Variants in SSH2 observed in about 807,000 individuals in gnomAD.
The protein encoded by SSH2 is slingshot protein phosphatase 2, also known as protein phosphatase Slingshot homolog 2.
SSH2 carries 37 observed loss-of-function variants against 135.2 expected under a neutral mutation model. That is an observed-to-expected ratio of 0.27 (90% confidence interval 0.21 to 0.36). The LOEUF is 0.36. Among genes scored for constraint, SSH2 ranks in the 10% least tolerant of loss-of-function variants. The pLI is 1.00. For missense variants in SSH2, 1,408 were observed against 1,765.3 expected (o/e 0.80, Z 3.63); for synonymous variants, 628 against 646.2 (o/e 0.97, Z 0.43).
chr17:29,846,721 A>G (rs1215892846), intron 2 of SSH2, among the ~76,000 whole-genome samples: 2 of 152,242 alleles, frequency 1.3e-5, no homozygotes, highest in Non-Finnish European at 2.9e-5. Flanking sequence ...TGACATGAAG[A>G]TGAGGAAGCC....
intron 14 of SSH2, chr17:29,645,960 G>T (rs2036353977): frequency 6.6e-6 from 1 of 152,082 alleles, no homozygotes; most frequent in Non-Finnish European, 1.5e-5. Context: ...TTTGTTCAGG[G>T]GAAACACAGT....
intron 1 of SSH2, among the ~76,000 whole-genome samples, chr17:29,873,817 T>G (rs1170675337): frequency 1.3e-5 from 2 of 152,174 alleles, no homozygotes; most frequent in African/African-American, 2.4e-5. Flanking sequence ...AGAACAGAAA[T>G]TGCTATCAGT....
intron 1 of SSH2, among the ~76,000 whole-genome samples, chr17:29,858,571 C>A (rs2065706227): frequency 6.6e-6 from 1 of 152,062 alleles, no homozygotes; most frequent in East Asian, 1.9e-4. Flanking sequence ...TCCAATATGA[C>A]TCATATTCTC....
At chr17:29,690,933 C>T (rs1046713608) in intron 5 of SSH2, among the ~76,000 whole-genome samples, 1 of 151,412 alleles carries the variant, frequency 6.6e-6, no homozygotes, top group Non-Finnish European at 1.5e-5. Context: ...CACACACACA[C>T]AGACACACAC....
At chr17:29,810,326 T>TG (rs1359579100) in intron 2 of SSH2, among the ~76,000 whole-genome samples, 3 of 152,218 alleles carry the variant, frequency 2.0e-5, no homozygotes, top group Non-Finnish European at 1.5e-5. Flanking sequence ...CAAAGATGAA[T>TG]GGGTCAATGT....
chr17:29,640,192 C>T (rs1178029243), intron 14 of SSH2, among the ~76,000 whole-genome samples: 6 of 152,148 alleles, frequency 3.9e-5, no homozygotes, highest in Non-Finnish European at 7.4e-5. Flanking sequence ...CATTCTCCTG[C>T]CTCAGCCTCC....
At chr17:29,746,273 C>T (rs936742923) in intron 3 of SSH2, among the ~76,000 whole-genome samples, 1 of 152,030 alleles carries the variant, frequency 6.6e-6, no homozygotes, top group African/African-American at 2.4e-5. Flanking sequence ...AGGCCAGGTG[C>T]AATGTCTCAT....
At chr17:29,874,323 G>A (rs1052041386) in intron 1 of SSH2, among the ~76,000 whole-genome samples, 3 of 151,898 alleles carry the variant, frequency 2.0e-5, no homozygotes, top group African/African-American at 2.4e-5. Flanking sequence ...TGGGTTTCAG[G>A]TTAACACATT....
chr17:29,744,600 T>A (rs1255894017), intron 3 of SSH2, among the ~76,000 whole-genome samples: 1 of 152,212 alleles, frequency 6.6e-6, no homozygotes, highest in African/African-American at 2.4e-5. Flanking sequence ...TAAAGAGTTG[T>A]ACATTGCTTA....
At position 29,848,945 on chromosome 17, in the gene SSH2, G is replaced by T; in HGVS notation, c.64-16C>A. ...AATGAGAGCTCTGTAATACAAACAA[G>T]ATCATTTCAGAGATCCAAACGAATG... On this transcript the variant is annotated splice_polypyrimidine_tract_variant and intron_variant, in intron 1 of 15. Transcript: ENST00000540801. 6.6e-7 allele frequency: 1 copy of T among 1,510,998 alleles called. No homozygotes were observed. The highest frequency in any genetic ancestry group is 8.9e-7 in the Non-Finnish European group (1 of 1,125,348). 93.6% of individuals were successfully genotyped at this position (1,510,998 alleles called of 1,614,324 possible).
chr17:29,753,761 C>A (rs2041024482), intron 3 of SSH2, among the ~76,000 whole-genome samples: 1 of 148,124 alleles, frequency 6.8e-6, no homozygotes, highest in Non-Finnish European at 1.5e-5. Context: ...CCACTGTACT[C>A]CAGCCTGGGC....
chr17:29,827,128 CAT>C (rs1170875773), intron 2 of SSH2, among the ~76,000 whole-genome samples: 1 of 152,140 alleles, frequency 6.6e-6, no homozygotes, highest in Non-Finnish European at 1.5e-5. Flanking sequence ...CTAGGGAACA[CAT>C]ATGGGTAAAT....
intron 3 of SSH2, among the ~76,000 whole-genome samples, chr17:29,724,628 T>C (rs1167922020): frequency 7.6e-6 from 1 of 131,842 alleles, no homozygotes; most frequent in African/African-American, 2.9e-5. Context: ...TCTCGCTCAT[T>C]GCCCAGGCTG....
At chr17:29,651,033 A>G (rs1362705272) in intron 12 of SSH2, among the ~76,000 whole-genome samples, 2 of 152,250 alleles carry the variant, frequency 1.3e-5, no homozygotes, top group Non-Finnish European at 1.5e-5. Context: ...GTTATTCACC[A>G]TGTTCAACAT....
chr17:29,862,237 C>T (rs1242122509), intron 1 of SSH2, among the ~76,000 whole-genome samples: 1 of 152,176 alleles, frequency 6.6e-6, no homozygotes, highest in Non-Finnish European at 1.5e-5. Context: ...TCCACAGTTC[C>T]TTGTGCACAC....
intron 5 of SSH2, among the ~76,000 whole-genome samples, chr17:29,688,725 C>T (rs750648305): frequency 1.5e-4 from 23 of 152,226 alleles, no homozygotes; most frequent in Non-Finnish European, 3.1e-4. Flanking sequence ...CTTAAGAGTT[C>T]CTGGAATTTG....
chr17:29,738,562 T>TA (rs962923682), intron 3 of SSH2, among the ~76,000 whole-genome samples: 4 of 149,898 alleles, frequency 2.7e-5, no homozygotes, highest in Non-Finnish European at 6.0e-5. Context: ...TTTATTTTAT[T>TA]TTTTTTTTTG....
intron 5 of SSH2, among the ~76,000 whole-genome samples, chr17:29,690,328 C>T (rs976101245): frequency 1.3e-5 from 2 of 151,256 alleles, no homozygotes; most frequent in Non-Finnish European, 2.9e-5. Context: ...TCGCTTGAAC[C>T]TGGGAGGCGG....
chr17:29,776,327 C>T (rs2041699299), intron 3 of SSH2: 1 of 152,172 alleles, frequency 6.6e-6, no homozygotes, highest in Non-Finnish European at 1.5e-5. Context: ...CTCTATGAGG[C>T]ATGCCCAACA....
Sources: gnomAD v4.1 joint callset for allele counts (sites outside exome capture counted in the v4.1 genomes callset) on GRCh38, gnomAD v4.1.1 for gene constraint, MANE v1.5 for transcripts, NCBI Gene and HGNC (gene_info 2026-07-23, HGNC 2026-07-21) for gene names.